The following COL13A1 variants were observed in gnomAD, a reference collection of about 807,000 sequenced individuals.
COL13A1 encodes the protein collagen alpha-1(XIII) chain.
COL13A1 carries 89 observed loss-of-function variants against 130.9 expected under a neutral mutation model. The ratio of observed to expected loss-of-function variants is 0.68; its 90% confidence interval spans 0.57 to 0.81. The LOEUF (loss-of-function observed/expected upper bound fraction) is 0.81, where lower values mean the gene tolerates loss of function less well. Among genes scored for constraint, COL13A1 ranks in the 30% least tolerant of loss-of-function variants. The probability of loss-of-function intolerance (pLI) is 0.00; values close to 1 mark genes in which losing one functional copy is unlikely to be tolerated. For synonymous variants in COL13A1, 402 were observed against 341.6 expected (o/e 1.18, Z -1.95); for missense variants, 879 against 934.6 (o/e 0.94, Z 0.78).
At chr10:69,902,212 A>G (rs2062253828) in intron 14 of COL13A1, among the ~76,000 whole-genome samples, 1 of 152,228 alleles carries the variant, frequency 6.6e-6, no homozygotes, top group African/African-American at 2.4e-5. Context: ...TTAGTGAGCC[A>G]AATAAAATTC....
chr10:69,874,705 C>T (rs1013539433), intron 4 of COL13A1, among the ~76,000 whole-genome samples: 1 of 152,192 alleles, frequency 6.6e-6, no homozygotes, highest in Non-Finnish European at 1.5e-5. Context: ...GTGATTCACC[C>T]ATCTGTCACA....
intron 22 of COL13A1, 57 bp from the exon 23 acceptor site, chr10:69,922,651 T>C: frequency 7.3e-7 from 1 of 1,365,458 alleles, no homozygotes; most frequent in Non-Finnish European, 1.0e-6. Context: ...GTCCCTCCAG[T>C]GCTCAGCCTA....
At chr10:69,854,543 A>C (rs772464614) in intron 2 of COL13A1, among the ~76,000 whole-genome samples, 2 of 146,000 alleles carry the variant, frequency 1.4e-5, no homozygotes, top group African/African-American at 5.1e-5. Context: ...ACTGCCCTCC[A>C]GTCTTTTGAG....
chr10:69,832,998 G>A lies in COL13A1; in HGVS notation c.364+10560G>A, dbSNP rs576892335. Among the ~76,000 whole-genome samples, 387 of 152,288 alleles carry A rather than the reference G, an allele frequency of 2.5e-3. 2 individuals carry two copies. The highest frequency in any genetic ancestry group is 9.0e-3 in the African/African-American group (372 of 41,554). Reference sequence around the variant, plus strand: ...CCAGGGACAGTCAGTAGGAGAACGAGGGGCAACTGCAAGTGCCTCGAAGGT... The same window carrying A: ...CCAGGGACAGTCAGTAGGAGAACGAAGGGCAACTGCAAGTGCCTCGAAGGT... On this transcript the variant is annotated intron_variant, in intron 2 of 40. Transcript: ENST00000645393.
Position 69,802,669 on chromosome 10 carries a change from G to A in COL13A1, c.246G>A (p.Gln82=). 1 of 1,613,526 alleles carries A rather than the reference G, an allele frequency of 6.2e-7. No individual in the cohort carries two copies. Among genetic ancestry groups the A allele is most frequent in the Non-Finnish European group, 8.5e-7 (1 of 1,179,598 alleles). Residue 82 remains glutamine, a synonymous_variant, in exon 1 of 41, where the codon CAG becomes CAA. Transcript: ENST00000645393. The part of the protein sequence containing the change: ...VLRLEAERGE[Q]QMETAILGRV... ...GCCTGGAAGCGGAGCGCGGGGAGCAGCAAATGGAGACGGCTATTTTGGGAC... is the reference window on the plus strand; with the variant it reads ...GCCTGGAAGCGGAGCGCGGGGAGCAACAAATGGAGACGGCTATTTTGGGAC...
intron 31 of COL13A1, among the ~76,000 whole-genome samples, chr10:69,934,359 CAG>C (rs375324996): frequency 6.6e-6 from 1 of 152,138 alleles, no homozygotes; most frequent in African/African-American, 2.4e-5. Flanking sequence ...TTTAAGAAGG[CAG>C]AGTTTCCAAA....
intron 2 of COL13A1, chr10:69,823,971 T>C (rs1376910334): frequency 2.4e-6 from 1 of 408,618 alleles, no homozygotes; most frequent in African/African-American, 2.1e-5. Flanking sequence ...ATCATGTCTG[T>C]TGCCCTTATA....
chr10:69,810,346 A>AAGAGAGAGAGAGAGAGAGAG (rs1564723791), intron 1 of COL13A1, among the ~76,000 whole-genome samples: 15 of 71,210 alleles, frequency 2.1e-4, no homozygotes, highest in African/African-American at 9.3e-4. Flanking sequence ...GGCCCTGAGA[A>AAGAGAGAGAGAGAGAGAGAG]TGAGAGAGAG....
At chr10:69,881,484 C>A (rs1227785) in intron 7 of COL13A1, among the ~76,000 whole-genome samples, 1 of 152,062 alleles carries the variant, frequency 6.6e-6, no homozygotes, top group Non-Finnish European at 1.5e-5. Flanking sequence ...GGCCAGAGAA[C>A]GAATGGCTAA....
chr10:69,896,494 C>T (rs932803448), intron 13 of COL13A1, among the ~76,000 whole-genome samples: 6 of 152,154 alleles, frequency 3.9e-5, no homozygotes, highest in African/African-American at 1.4e-4. Context: ...CTGTCATGTG[C>T]CCCATGGTGC....
chr10:69,915,257 C>T (rs1378373025), intron 17 of COL13A1, among the ~76,000 whole-genome samples: 1 of 152,220 alleles, frequency 6.6e-6, no homozygotes, highest in Non-Finnish European at 1.5e-5. Flanking sequence ...CACATGGCAG[C>T]TGCAGTAAGT....
chr10:69,837,942 C>T (rs1361466949), intron 2 of COL13A1, among the ~76,000 whole-genome samples: 2 of 152,208 alleles, frequency 1.3e-5, no homozygotes, highest in South Asian at 2.1e-4. Context: ...TGTGATGTGA[C>T]GAGCCACTTT....
chr10:69,824,931 G>T (rs73265651), intron 2 of COL13A1, among the ~76,000 whole-genome samples: 14 of 152,276 alleles, frequency 9.2e-5, no homozygotes, highest in African/African-American at 3.4e-4. Flanking sequence ...ATGGCCACAC[G>T]GAAGCATTTC....
intron 17 of COL13A1, among the ~76,000 whole-genome samples, chr10:69,906,591 A>G (rs566748751): frequency 4.6e-5 from 7 of 151,886 alleles, no homozygotes; most frequent in South Asian, 2.1e-4. Flanking sequence ...CTTGTATCAC[A>G]TTTTCTAATG....
intron 10 of COL13A1, among the ~76,000 whole-genome samples, chr10:69,892,297 T>A (rs1564968345): frequency 2.6e-5 from 4 of 152,140 alleles, no homozygotes; most frequent in African/African-American, 9.7e-5. Context: ...TCCACTGGCG[T>A]CCCACTGGGG....
intron 30 of COL13A1, among the ~76,000 whole-genome samples, 185 bp from the exon 31 acceptor site, chr10:69,932,375 C>G (rs2135878468): frequency 6.6e-6 from 1 of 152,318 alleles, no homozygotes; most frequent in African/African-American, 2.4e-5. Context: ...GTATCAGCCT[C>G]TCCTCCCCTG....
At chr10:69,810,376 G>GAGAC (rs1554863535) in intron 1 of COL13A1, among the ~76,000 whole-genome samples, 5 of 133,820 alleles carry the variant, frequency 3.7e-5, no homozygotes, top group East Asian at 2.3e-4. Flanking sequence ...GAGAGAGAGA[G>GAGAC]AGAGACAGAG....
intron 1 of COL13A1, among the ~76,000 whole-genome samples, chr10:69,822,113 T>G (rs1165078500): frequency 6.6e-6 from 1 of 152,200 alleles, no homozygotes; most frequent in African/African-American, 2.4e-5. Context: ...TATAGGATCC[T>G]GTGTTTGGGG....
intron 37 of COL13A1, among the ~76,000 whole-genome samples, chr10:69,946,318 G>A (rs571080624): frequency 1.7e-4 from 26 of 152,310 alleles, no homozygotes; most frequent in Admixed American, 1.1e-3. Context: ...CAATGTGTGC[G>A]CCATGGCCCC....
Sources: gnomAD v4.1 joint callset for allele counts (sites outside exome capture counted in the v4.1 genomes callset) on GRCh38, gnomAD v4.1.1 for gene constraint, MANE v1.5 for transcripts, NCBI Gene and HGNC (gene_info 2026-07-23, HGNC 2026-07-21) for gene names.